Variants in FBXO38 observed in about 807,000 individuals in gnomAD.
The protein encoded by FBXO38 is F-box only protein 38.
FBXO38 carries 53 observed loss-of-function variants against 131.9 expected under a neutral mutation model. The ratio of observed to expected loss-of-function variants is 0.40; its 90% CI spans 0.32 to 0.51. FBXO38 has a LOEUF of 0.51. Among genes scored for constraint, FBXO38 ranks in the 20% least tolerant of loss-of-function variants. FBXO38 has a pLI of 0.53. For missense variants in FBXO38, 1,076 were observed against 1,475.6 expected (o/e 0.73, Z 4.44); for synonymous variants, 452 against 505.6 (o/e 0.89, Z 1.42).
At chr5:148,435,880 CAG>C (rs2113655948) in intron 17 of FBXO38, among the ~76,000 whole-genome samples, 1 of 152,270 alleles carries the variant, frequency 6.6e-6, no homozygotes, top group East Asian at 1.9e-4. Context: ...CATTGTATCT[CAG>C]GGAGTAGGGA....
Position 148,433,415 on chromosome 5 carries a change from C to G in FBXO38, c.2654-9C>G. ...AAATTTGGATTTTCTTTTTTTTTGC[C>G]TTTTTTAGAAGTAGCCAAAACAAAG... On this transcript the variant is annotated splice_polypyrimidine_tract_variant and intron_variant, in intron 15 of 21. Coordinates refer to ENST00000340253, the MANE Select transcript of FBXO38 (RefSeq NM_205836.3). The G allele has an allele frequency of 6.3e-7, 1 of 1,595,300 alleles. No homozygotes were observed. Among genetic ancestry groups the G allele is most frequent in the Non-Finnish European group, 8.5e-7 (1 of 1,172,964 alleles).
intron 12 of FBXO38, among the ~76,000 whole-genome samples, chr5:148,419,818 A>G (rs1222740532): frequency 3.3e-5 from 5 of 152,100 alleles, no homozygotes; most frequent in Non-Finnish European, 7.4e-5. Flanking sequence ...ACCAGTCTTT[A>G]TTGCTGTATT....
rs984664383 is a variant in FBXO38, at chr5:148,409,316, A to G, written c.962+99A>G. The stretch of plus-strand genomic sequence containing the variant: ...GGAATGTGTGTGTATATATGTGTGT[A>G]CATTTGATCAAGCCTTGTTCAAATT... On this transcript the variant is annotated intron_variant, in intron 8 of 21. Coordinates refer to ENST00000340253, the MANE Select transcript of FBXO38 (RefSeq NM_205836.3). The G allele has an allele frequency of 7.9e-5, 60 of 762,542 alleles. No homozygotes were observed. The East Asian group carries it at 1.5e-3, about 19-fold the overall frequency. 47.2% of individuals were successfully genotyped at this position (762,542 alleles called of 1,614,324 possible).
intron 12 of FBXO38, among the ~76,000 whole-genome samples, chr5:148,418,253 C>T (rs1056704667): frequency 2.0e-5 from 3 of 152,138 alleles, no homozygotes; most frequent in East Asian, 3.9e-4. Flanking sequence ...ATCTCTGAAA[C>T]GATTTTGCTG....
intron 18 of FBXO38, 129 bp downstream of exon 18, chr5:148,438,627 G>C (rs1284806179): frequency 2.2e-6 from 2 of 911,218 alleles, no homozygotes; most frequent in Non-Finnish European, 3.3e-6. Flanking sequence ...TGATATTTTA[G>C]TTTTTACAGG....
rs556198916 is a variant in FBXO38 at position 148,431,795 on chromosome 5, A to G, written c.2654-1629A>G. 3.9e-5 allele frequency among the ~76,000 whole-genome samples: 6 copies of G among 152,314 alleles called. No individual in the cohort carries two copies. In the South Asian group the frequency reaches 1.0e-3, roughly 26 times the overall value. On this transcript the variant is annotated intron_variant, in intron 15 of 21. Transcript: ENST00000340253. ...AGGCCTACGTTGTGTTGTGTGGTCAATAGTCTTCATGTTTTGTTGGAACTC... is the reference window on the plus strand; with the variant it reads ...AGGCCTACGTTGTGTTGTGTGGTCAGTAGTCTTCATGTTTTGTTGGAACTC...
intron 1 of FBXO38, among the ~76,000 whole-genome samples, chr5:148,387,775 T>C (rs1182229236): frequency 1.4e-5 from 2 of 143,912 alleles, no homozygotes; most frequent in East Asian, 4.5e-4. Flanking sequence ...CACTGCAACC[T>C]CTGACACCCT....
At chr5:148,405,279 CCAAT>C (rs1752382802) in intron 6 of FBXO38, among the ~76,000 whole-genome samples, 1 of 152,200 alleles carries the variant, frequency 6.6e-6, no homozygotes, top group South Asian at 2.1e-4. Context: ...CACATGATGC[CCAAT>C]ACAAATTCTT....
Position 148,441,199 on chromosome 5 carries a change from A to G in FBXO38, c.3350A>G (p.Asn1117Ser). 1 of 1,613,776 alleles carries G rather than the reference A, an allele frequency of 6.2e-7. No homozygotes were observed. Among genetic ancestry groups the G allele is most frequent in the Non-Finnish European group, 8.5e-7 (1 of 1,179,914 alleles). The change falls in exon 21 of 22, where the codon AAC becomes AGC. Residue 1117 changes from asparagine (N) to serine (S), a missense_variant. Transcript: ENST00000340253. ...AGGTCATTACGAGCTGCAGAGCCCAACAGCTTCGCTCGATACGACTTTGAA... is the reference window on the plus strand; with the variant it reads ...AGGTCATTACGAGCTGCAGAGCCCAGCAGCTTCGCTCGATACGACTTTGAA... ...WLRSLRAAEPNSFARYDFEDD... is the reference protein window; with the variant it reads ...WLRSLRAAEPSSFARYDFEDD...
At chr5:148,425,113 T>G (rs1753639786) in intron 13 of FBXO38, among the ~76,000 whole-genome samples, 2 of 152,246 alleles carry the variant, frequency 1.3e-5, no homozygotes, top group African/African-American at 2.4e-5. Flanking sequence ...GAGTTCATCT[T>G]CATTTACTAG....
At chr5:148,397,429 ATATT>A (rs1384840981) in intron 2 of FBXO38, among the ~76,000 whole-genome samples, 3 of 152,174 alleles carry the variant, frequency 2.0e-5, no homozygotes, top group Admixed American at 1.3e-4. Context: ...TTGGATAACA[ATATT>A]TAGGAGAAAA....
At chr5:148,391,853 C>A (rs1450495883) in intron 1 of FBXO38, among the ~76,000 whole-genome samples, 1 of 152,202 alleles carries the variant, frequency 6.6e-6, no homozygotes, top group East Asian at 1.9e-4. Flanking sequence ...TCAAAGGTTA[C>A]CGGTTAATAT....
chr5:148,409,297 T>C, intron 8 of FBXO38, 80 bp downstream of exon 8: 1 of 904,598 alleles, frequency 1.1e-6, no homozygotes, highest in South Asian at 1.3e-5. Flanking sequence ...TTGTGGAATG[T>C]GTGTGTATAT....
intron 1 of FBXO38, among the ~76,000 whole-genome samples, chr5:148,394,373 A>T (rs1177985499): frequency 6.6e-6 from 1 of 152,188 alleles, no homozygotes; most frequent in Admixed American, 6.5e-5. Flanking sequence ...TCATTTAATG[A>T]TCACACGTTA....
Position 148,440,466 on chromosome 5 carries a change from TGAA to T in FBXO38, c.3219_3221del (p.Glu1073del). 6.2e-7 allele frequency: 1 copy of T among 1,612,908 alleles called. No homozygotes were observed. The highest frequency in any genetic ancestry group is 8.5e-7 in the Non-Finnish European group (1 of 1,178,964). Reference sequence around the variant, plus strand: ...AATTCTTCCCTGAAGCCACTCGAAGTGAAGAAGACTTAAAGAAATACCCCAAGT... The same window carrying T: ...AATTCTTCCCTGAAGCCACTCGAAGTGAAGACTTAAAGAAATACCCCAAGT... On this transcript the variant is annotated inframe_deletion, in exon 20 of 22. Transcript: ENST00000340253.
At chr5:148,421,651 A>C (rs1477050403) in intron 12 of FBXO38, among the ~76,000 whole-genome samples, 1 of 152,138 alleles carries the variant, frequency 6.6e-6, no homozygotes, top group African/African-American at 2.4e-5. Flanking sequence ...ATATATATAT[A>C]ACTTTCTGTA....
intron 5 of FBXO38, among the ~76,000 whole-genome samples, chr5:148,403,258 T>G (rs1752263025): frequency 6.6e-6 from 1 of 152,104 alleles, no homozygotes; most frequent in South Asian, 2.1e-4. Flanking sequence ...AAGTACAGGG[T>G]AAGTTTTATT....
In FBXO38 at chr5:148,398,593, G is replaced by A. The variant is rs112830175; in HGVS notation, c.129-406G>A. On this transcript the variant is annotated intron_variant, in intron 2 of 21. Transcript: ENST00000340253. ...CAGGAGTAGATTCTGTAAAAGATAC[G>A]AAATAATATTGTGCATGTTCAAATT... Among the ~76,000 whole-genome samples the A allele has an allele frequency of 9.0e-3, 1,365 of 152,102 alleles. 18 individuals are homozygous for A. The highest frequency in any genetic ancestry group is 0.031 in the African/African-American group (1,300 of 41,502).
intron 18 of FBXO38, among the ~76,000 whole-genome samples, chr5:148,439,079 A>G (rs996583157): frequency 3.9e-5 from 6 of 152,144 alleles, no homozygotes; most frequent in Non-Finnish European, 8.8e-5. Context: ...TGCTGGGTGC[A>G]AATAAAAACA....
Sources: gnomAD v4.1 joint callset for allele counts (sites outside exome capture counted in the v4.1 genomes callset) on GRCh38, gnomAD v4.1.1 for gene constraint, MANE v1.5 for transcripts, NCBI Gene and HGNC (gene_info 2026-07-23, HGNC 2026-07-21) for gene names.